Variants in ADAMTS16 observed in about 807,000 individuals in gnomAD.
ADAMTS16 encodes the protein ADAM metallopeptidase with thrombospondin type 1 motif 16, also known as A disintegrin and metalloproteinase with thrombospondin motifs 16.
In ADAMTS16, 94 loss-of-function variants were observed where a neutral mutation model predicts 145.8. The observed-to-expected ratio is 0.64, with a 90% CI of 0.55 to 0.77. ADAMTS16 has a LOEUF of 0.77. Among genes scored for constraint, ADAMTS16 ranks in the 30% least tolerant of loss-of-function variants. The pLI is 0.00. For synonymous variants in ADAMTS16, 659 were observed against 604.3 expected, an observed-to-expected ratio of 1.09 and a Z score of -1.33; for missense variants, 1,585 against 1,591.5, an observed-to-expected ratio of 1.00 and a Z score of 0.07.
intron 3 of ADAMTS16, among the ~76,000 whole-genome samples, chr5:5,164,161 C>T (rs1299430962): frequency 5.3e-5 from 8 of 152,202 alleles, no homozygotes; most frequent in Middle Eastern, 3.2e-3. Context: ...CCGTTTTCAG[C>T]GCAGATACAT....
intron 20 of ADAMTS16, among the ~76,000 whole-genome samples, chr5:5,305,560 AC>A (rs764654986): frequency 2.3e-4 from 35 of 149,680 alleles, no homozygotes; most frequent in South Asian, 1.3e-3. Flanking sequence ...ACACACACAC[AC>A]GTCAGAGCTT....
chr5:5,242,880 A>T (rs1378240726), intron 17 of ADAMTS16, among the ~76,000 whole-genome samples: 1 of 152,216 alleles, frequency 6.6e-6, no homozygotes, highest in African/African-American at 2.4e-5. Context: ...GCAAGTTTAA[A>T]ACAACATAGT....
At chr5:5,202,007 A>G (rs4702240) in intron 9 of ADAMTS16, among the ~76,000 whole-genome samples, 108,617 of 151,878 alleles carry the variant, frequency 0.72, 38,977 homozygotes, top group East Asian at 0.82. Flanking sequence ...TTTCTAAGAC[A>G]CTATTTGAGT....
At chr5:5,141,308 GCTAATCAGCTGATTGTGA>G (rs1391744409) in intron 2 of ADAMTS16, among the ~76,000 whole-genome samples, 2 of 152,192 alleles carry the variant, frequency 1.3e-5, no homozygotes, top group Non-Finnish European at 2.9e-5. Flanking sequence ...GCCTGAAATG[GCTAATCAGCTGATTGTGA>G]CACCATCAGC....
intron 18 of ADAMTS16, among the ~76,000 whole-genome samples, chr5:5,275,379 A>C (rs1448585282): frequency 6.6e-6 from 1 of 152,166 alleles, no homozygotes; most frequent in East Asian, 1.9e-4. Flanking sequence ...AGTTTGTTAT[A>C]AATATTTCCC....
intron 11 of ADAMTS16, among the ~76,000 whole-genome samples, chr5:5,230,425 T>G (rs1371105343): frequency 6.6e-6 from 1 of 152,220 alleles, no homozygotes; most frequent in Non-Finnish European, 1.5e-5. Flanking sequence ...AATGGTGTTG[T>G]GGTTATGTTT....
At chr5:5,285,445 C>T (rs1312339152) in intron 18 of ADAMTS16, among the ~76,000 whole-genome samples, 1 of 152,238 alleles carries the variant, frequency 6.6e-6, no homozygotes, top group African/African-American at 2.4e-5. Flanking sequence ...GCAGCCCCGA[C>T]TGCCTGTCTG....
Position 5,319,760 on chromosome 5 carries a change from TTC to T in ADAMTS16, c.*624_*625del. ...TAGGGTCACTGGCCAGGGGACTGCATTCTGGTTTGGGACTTTGCCTATGGAAA... is the reference window on the plus strand; with the variant it reads ...TAGGGTCACTGGCCAGGGGACTGCATTGGTTTGGGACTTTGCCTATGGAAA... On this transcript the variant is annotated 3_prime_UTR_variant, in exon 23 of 23. Coordinates refer to ENST00000274181, the MANE Select transcript of ADAMTS16 (RefSeq NM_139056.4). 2.3e-6 allele frequency: 1 copy of T among 426,304 alleles called. No homozygotes were observed. Among genetic ancestry groups the T allele is most frequent in the Non-Finnish European group, 4.7e-6 (1 of 214,478 alleles). The allele number at this position is 426,304 out of a possible 1,614,324, so 26.4% of individuals were successfully genotyped here.
chr5:5,290,236 G>A (rs143104497), intron 18 of ADAMTS16, among the ~76,000 whole-genome samples: 4 of 152,272 alleles, frequency 2.6e-5, no homozygotes, highest in Admixed American at 6.5e-5. Flanking sequence ...GGCTTTCACC[G>A]AAACTGTATG....
chr5:5,205,628 C>T (rs563063184), intron 9 of ADAMTS16, among the ~76,000 whole-genome samples: 1 of 152,338 alleles, frequency 6.6e-6, no homozygotes, highest in East Asian at 1.9e-4. Context: ...TGGATTTTCA[C>T]TATTCTAAGA....
At chr5:5,318,879 C>A in intron 22 of ADAMTS16, 144 bp from the exon 23 acceptor site, 1 of 614,380 alleles carries the variant, frequency 1.6e-6, no homozygotes, top group Admixed American at 2.8e-5. Flanking sequence ...TTCCACGGGA[C>A]CCCCATCAGA....
intron 17 of ADAMTS16, among the ~76,000 whole-genome samples, chr5:5,243,307 C>T (rs1579336862): frequency 2.0e-5 from 3 of 152,316 alleles, no homozygotes; most frequent in Non-Finnish European, 4.4e-5. Flanking sequence ...TGACTACCTT[C>T]TGCACAGAAG....
intron 8 of ADAMTS16, among the ~76,000 whole-genome samples, 192 bp from the exon 9 acceptor site, chr5:5,199,940 C>T (rs1335555933): frequency 1.3e-5 from 2 of 152,176 alleles, no homozygotes; most frequent in East Asian, 1.9e-4. Flanking sequence ...GTGGATGGTC[C>T]ATTCTTCAGA....
chr5:5,311,437 T>A (rs1239118960), intron 21 of ADAMTS16, among the ~76,000 whole-genome samples: 1 of 152,060 alleles, frequency 6.6e-6, no homozygotes, highest in Non-Finnish European at 1.5e-5. Flanking sequence ...AAAATTTAAC[T>A]AAAATAAAAC....
intron 3 of ADAMTS16, among the ~76,000 whole-genome samples, chr5:5,154,448 C>T (rs556645010): frequency 1.5e-4 from 23 of 152,234 alleles, no homozygotes; most frequent in Non-Finnish European, 2.9e-4. Flanking sequence ...TTCATTAGAT[C>T]AAATAATATT....
At chr5:5,303,186 G>A (rs923130096) in intron 18 of ADAMTS16, 82 bp from the exon 19 acceptor site, 43 of 1,386,210 alleles carry the variant, frequency 3.1e-5, no homozygotes, top group South Asian at 1.1e-4. Flanking sequence ...AAATCGCGCC[G>A]CTGCCTCCAC....
At chr5:5,290,346 C>T (rs577635956) in intron 18 of ADAMTS16, among the ~76,000 whole-genome samples, 4 of 152,266 alleles carry the variant, frequency 2.6e-5, no homozygotes, top group African/African-American at 9.6e-5. Flanking sequence ...CACTTCTCCC[C>T]TGGGAATGTT....
chr5:5,142,175 C>T (rs762194449), intron 2 of ADAMTS16: 1 of 151,618 alleles, frequency 6.6e-6, no homozygotes, highest in Non-Finnish European at 1.5e-5. Context: ...AGATAAAACA[C>T]ATTATAGACA....
chr5:5,158,601 T>C lies in ADAMTS16; in HGVS notation c.501+12146T>C, dbSNP rs1734662374. Among the ~76,000 whole-genome samples the C allele has an allele frequency of 2.6e-5, 4 of 152,268 alleles. No individual in the cohort carries two copies. In the South Asian group the frequency reaches 8.3e-4, roughly 32 times the overall value. On this transcript the variant is annotated intron_variant, in intron 3 of 22. Coordinates refer to ENST00000274181, the MANE Select transcript of ADAMTS16 (RefSeq NM_139056.4). ...GGGGCAAGTGCTGTTCACATGTGGGTGATCTCAGGAAAGGCCAATTGGAGG... is the reference window on the plus strand; with the variant it reads ...GGGGCAAGTGCTGTTCACATGTGGGCGATCTCAGGAAAGGCCAATTGGAGG...
Sources: allele counts gnomAD v4.1 joint callset (sites outside exome capture counted in the v4.1 genomes callset), GRCh38; gene constraint gnomAD v4.1.1; transcripts MANE v1.5; gene names NCBI Gene and HGNC (gene_info 2026-07-23, HGNC 2026-07-21).